Variants in ITPRID2 observed in about 807,000 individuals in gnomAD.
ITPRID2 encodes the protein ITPR interacting domain containing 2, also known as protein ITPRID2.
Under a neutral mutation model 124.3 loss-of-function variants are expected in ITPRID2, and 60 were observed. The observed-to-expected ratio is 0.48, with a 90% CI of 0.39 to 0.60. The LOEUF (loss-of-function observed/expected upper bound fraction) is 0.60, where lower values mean the gene tolerates loss of function less well. Ranked by LOEUF, ITPRID2 falls within the 20% of genes least tolerant of loss-of-function variation. ITPRID2 has a pLI of 0.00. For synonymous variants in ITPRID2, 521 were observed against 542.9 expected (o/e 0.96, Z 0.56); for missense variants, 1,553 against 1,512.2 (o/e 1.03, Z -0.45).
intron 16 of ITPRID2, among the ~76,000 whole-genome samples, chr2:181,925,177 A>G (rs1694753826): frequency 6.6e-6 from 1 of 152,148 alleles, no homozygotes; most frequent in Non-Finnish European, 1.5e-5. Flanking sequence ...TCTTATGGAA[A>G]TTTCTTTTAG....
At position 181,896,985 on chromosome 2, in the gene ITPRID2, T is replaced by G. The variant is rs1219218306; in HGVS notation, c.364+21T>G. ...TGAAGGTATGTTTGTTTGGAAGAAC[T>G]GTATTTTTGTGTAGTTTTCAAATTT... On this transcript the variant is annotated intron_variant, in intron 4 of 17. Transcript: ENST00000431877. The surrounding 1 kb of genome is among the most constrained non-coding windows in gnomAD (Gnocchi z 4.3). The G allele has an allele frequency of 1.3e-6, 2 of 1,599,626 alleles. No individual in the cohort carries two copies. The highest frequency in any genetic ancestry group is 2.2e-5 in the South Asian group (2 of 90,388).
Position 181,901,826 on chromosome 2 carries a change from C to T in ITPRID2, c.773C>T (p.Ser258Phe). 1.9e-6 allele frequency: 3 copies of T among 1,613,698 alleles called. No individual in the cohort carries two copies. The highest frequency in any genetic ancestry group is 1.7e-6 in the Non-Finnish European group (2 of 1,179,782). Residue 258 changes from serine to phenylalanine, a missense_variant, in exon 8 of 18, where the codon TCT (serine) becomes TTT (phenylalanine). Transcript: ENST00000431877. ...GCCAATGCGTTTTCTTCTTTATATT[C>T]TCAAGTCTCCGGGACGCCCCTGCAG... The part of the protein sequence containing the change: ...TVANAFSSLY[S>F]QVSGTPLQRI...
chr2:181,897,445 G>A (rs528168666), intron 4 of ITPRID2, among the ~76,000 whole-genome samples: 116 of 152,090 alleles, frequency 7.6e-4, no homozygotes, highest in Admixed American at 2.5e-3. Context: ...AAATAGCAGA[G>A]CTAATAGAAT....
At chr2:181,914,232 A>G (rs891534437) in intron 10 of ITPRID2, among the ~76,000 whole-genome samples, 1 of 152,066 alleles carries the variant, frequency 6.6e-6, no homozygotes, top group Non-Finnish European at 1.5e-5. Flanking sequence ...TATTTTTTTA[A>G]CCATCATTAT....
chr2:181,922,039 G>A lies in ITPRID2; in HGVS notation c.3302G>A (p.Ser1101Asn). Residue 1101 changes from serine to asparagine, a missense_variant, in exon 16 of 18, where the codon AGC becomes AAC. By Grantham distance (46) the Ser-to-Asn change is conservative. Transcript: ENST00000431877. ...EMGFEIPPGE[S>N]SESVFSQATS... ...GGATTTGAAATTCCTCCTGGAGAAA[G>A]CTCAGAATCTGTTTTTTCCCAAGCA... 1 of 1,614,188 alleles carries A rather than the reference G, an allele frequency of 6.2e-7. No homozygotes were observed. The highest frequency in any genetic ancestry group is 8.5e-7 in the Non-Finnish European group (1 of 1,180,038).
In ITPRID2 at chr2:181,930,398, G is replaced by A. The variant is rs540959466; in HGVS notation, c.*851G>A. Reference sequence around the variant, plus strand: ...TTCAAAATGGAAGTAATTTAGATTTGTTCTCCTCATACATAAAATGATTTT... The same window carrying A: ...TTCAAAATGGAAGTAATTTAGATTTATTCTCCTCATACATAAAATGATTTT... On this transcript the variant is annotated 3_prime_UTR_variant, in exon 18 of 18. Transcript: ENST00000431877. The A allele has an allele frequency of 1.3e-5, 2 of 152,378 alleles. No individual in the cohort carries two copies. Among genetic ancestry groups the A allele is most frequent in the South Asian group, 4.1e-4 (2 of 4,822 alleles). 9.4% of individuals were successfully genotyped at this position (152,378 alleles called of 1,614,324 possible). A position where few individuals can be genotyped will look rare whatever the true frequency, so the allele number is the denominator to read the frequency against.
chr2:181,899,754 C>T (rs781407800), intron 6 of ITPRID2, among the ~76,000 whole-genome samples: 5 of 152,112 alleles, frequency 3.3e-5, no homozygotes, highest in Non-Finnish European at 5.9e-5. Context: ...TGAAGTGGTA[C>T]CCAGGAGGTT....
At chr2:181,918,320 T>C (rs775275205) in intron 11 of ITPRID2, 4 of 1,171,326 alleles carry the variant, frequency 3.4e-6, no homozygotes, top group African/African-American at 1.6e-5. Flanking sequence ...TGTTTTTTTT[T>C]AGTTTCGCAA....
intron 16 of ITPRID2, among the ~76,000 whole-genome samples, chr2:181,927,239 C>T (rs960475052): frequency 3.3e-5 from 5 of 152,156 alleles, no homozygotes; most frequent in African/African-American, 1.2e-4. Flanking sequence ...ATTTGGCTGA[C>T]AGGAAACTGG....
rs200238401 is a variant in ITPRID2, at chr2:181,922,280, T to C, written c.3543T>C (p.Ala1181=). 77 of 1,614,056 alleles carry C rather than the reference T, an allele frequency of 4.8e-5. No individual in the cohort carries two copies. Among genetic ancestry groups the C allele is most frequent in the Non-Finnish European group, 5.9e-5 (70 of 1,180,048 alleles). Residue 1181 remains alanine, a synonymous_variant, in exon 16 of 18, where the codon GCT becomes GCC. Transcript: ENST00000431877. ...AAAGTTCTGAGGAAGTTGATGCAGC[T>C]GAAGGAGCCCCAGAAGTTGTAGGAC... is the stretch of plus-strand genomic sequence containing the variant. ...DLESSEEVDA[A]EGAPEVVGPK...
Position 181,916,138 on chromosome 2 carries a change from G to A in ITPRID2, c.2498G>A (p.Arg833Gln), listed in dbSNP as rs761079288. The change falls in exon 11 of 18, where the codon CGG becomes CAG. Residue 833 changes from arginine (R) to glutamine (Q), a missense_variant. Coordinates refer to ENST00000431877, the MANE Select transcript of ITPRID2 (RefSeq NM_001130445.3). ...CHHGRTPTCSRLAPPPMSQST... is the reference protein window; with the variant it reads ...CHHGRTPTCSQLAPPPMSQST... The stretch of plus-strand genomic sequence containing the variant: ...CATGGAAGGACTCCTACCTGTTCAC[G>A]GCTTGCTCCACCACCAATGTCTCAG... 1.6e-5 allele frequency: 26 copies of A among 1,614,052 alleles called. No homozygotes were observed. Among genetic ancestry groups the A allele is most frequent in the Admixed American group, 8.3e-5 (5 of 60,000 alleles).
chr2:181,899,553 T>C (rs1386004053), intron 6 of ITPRID2, among the ~76,000 whole-genome samples: 1 of 152,210 alleles, frequency 6.6e-6, no homozygotes, highest in African/African-American at 2.4e-5. Context: ...ATATATAGTA[T>C]AGCCAGGCCC....
At chr2:181,914,042 G>A (rs1693836796) in intron 10 of ITPRID2, 109 bp downstream of exon 10, 3 of 690,352 alleles carry the variant, frequency 4.3e-6, no homozygotes, top group Non-Finnish European at 4.7e-6. Flanking sequence ...TATTTTTCAA[G>A]TGACAGAACA....
chr2:181,916,431 T>C lies in ITPRID2; in HGVS notation c.2787+4T>C. ...CTCACTGCAGAATCTTTCACAGGTA[T>C]GAGAAAAAGTATGTTATCATTAGCT... is the stretch of plus-strand genomic sequence containing the variant. On this transcript the variant is annotated splice_donor_region_variant and intron_variant, in intron 11 of 17. Transcript: ENST00000431877. 1 of 1,608,882 alleles carries C rather than the reference T, an allele frequency of 6.2e-7. No homozygotes were observed. The highest frequency in any genetic ancestry group is 8.5e-7 in the Non-Finnish European group (1 of 1,177,048).
At chr2:181,924,724 T>A (rs1168175783) in intron 16 of ITPRID2, among the ~76,000 whole-genome samples, 1 of 152,236 alleles carries the variant, frequency 6.6e-6, no homozygotes, top group Non-Finnish European at 1.5e-5. Flanking sequence ...TACAGTAGAA[T>A]TCTTTTTTTG....
At chr2:181,916,599 G>T in intron 11 of ITPRID2, 172 bp downstream of exon 11, 1 of 914,890 alleles carries the variant, frequency 1.1e-6, no homozygotes, top group Non-Finnish European at 1.6e-6. Flanking sequence ...CCTGTTTCAA[G>T]GGAGAAGCTG....
chr2:181,898,964 T>A (rs1358853502), intron 5 of ITPRID2, 45 bp downstream of exon 5: 1 of 1,596,496 alleles, frequency 6.3e-7, no homozygotes, highest in Non-Finnish European at 8.6e-7. Context: ...ATGAAGACCT[T>A]TAATGAAAAT....
intron 8 of ITPRID2, among the ~76,000 whole-genome samples, chr2:181,904,842 T>C (rs1469740937): frequency 2.6e-5 from 4 of 152,062 alleles, no homozygotes; most frequent in Non-Finnish European, 4.4e-5. Flanking sequence ...AGAGGTAAGA[T>C]CCAACAGTCA....
intron 11 of ITPRID2, 140 bp downstream of exon 11, chr2:181,916,567 G>A (rs1694070583): frequency 8.8e-7 from 1 of 1,132,696 alleles, no homozygotes; most frequent in Admixed American, 2.8e-5. Flanking sequence ...ATCTGCATCT[G>A]CCTTCGTTTT....
Sources: gnomAD v4.1 joint callset for allele counts (sites outside exome capture counted in the v4.1 genomes callset) on GRCh38, gnomAD v4.1.1 for gene constraint, Gnocchi (gnomAD v3.1) non-coding constraint, MANE v1.5 for transcripts, NCBI Gene and HGNC (gene_info 2026-07-23, HGNC 2026-07-21) for gene names.